ROBO1: variants seen among roughly 807,000 people sequenced by gnomAD.
The protein encoded by ROBO1 is roundabout homolog 1.
A neutral mutation model predicts 195.9 loss-of-function variants in ROBO1; 149 were observed. That is an observed-to-expected ratio of 0.76 (90% CI 0.67 to 0.87). The LOEUF is 0.87. Among genes scored for constraint, ROBO1 ranks in the 40% least tolerant of loss-of-function variants. The probability of loss-of-function intolerance (pLI) is 0.00; values close to 1 mark genes in which losing one functional copy is unlikely to be tolerated. For synonymous variants in ROBO1, 816 were observed against 733.2 expected, an observed-to-expected ratio of 1.11 and a Z score of -1.82; for missense variants, 1,933 against 2,068.3, an observed-to-expected ratio of 0.93 and a Z score of 1.27.
intron 1 of ROBO1, among the ~76,000 whole-genome samples, chr3:79,751,440 A>C (rs901917501): frequency 6.6e-6 from 1 of 152,176 alleles, no homozygotes; most frequent in Non-Finnish European, 1.5e-5. Context: ...AAAATTCAAT[A>C]TATCCTCATC....
chr3:79,376,059 C>T (rs1226517794), intron 2 of ROBO1, among the ~76,000 whole-genome samples: 4 of 152,170 alleles, frequency 2.6e-5, no homozygotes, highest in Non-Finnish European at 4.4e-5. Context: ...TGTAACCTAA[C>T]TAAGCTTAAA....
At chr3:78,959,903 A>T (rs960243763) in intron 3 of ROBO1, among the ~76,000 whole-genome samples, 1 of 152,218 alleles carries the variant, frequency 6.6e-6, no homozygotes, top group African/African-American at 2.4e-5. Flanking sequence ...TTGAAAAGGT[A>T]CAACCAAGGA....
At chr3:78,655,009 G>A (rs749802632) in intron 18 of ROBO1, among the ~76,000 whole-genome samples, 3 of 152,006 alleles carry the variant, frequency 2.0e-5, no homozygotes, top group South Asian at 2.1e-4. Context: ...TCATATAAAC[G>A]TTCAACAGAT....
chr3:79,158,593 T>A (rs1417386121), intron 2 of ROBO1, among the ~76,000 whole-genome samples: 1 of 151,800 alleles, frequency 6.6e-6, no homozygotes, highest in Non-Finnish European at 1.5e-5. Flanking sequence ...TTTTGTCCAC[T>A]TGAAATGTAT....
intron 2 of ROBO1, among the ~76,000 whole-genome samples, chr3:79,182,568 T>TGTGC (rs1553696467): frequency 1.3e-5 from 2 of 151,726 alleles, no homozygotes; most frequent in East Asian, 1.9e-4. Flanking sequence ...TGTGTGTGTG[T>TGTGC]GTGCGTGCGT....
chr3:79,380,008 C>A (rs1336110662), intron 2 of ROBO1, among the ~76,000 whole-genome samples: 1 of 152,204 alleles, frequency 6.6e-6, no homozygotes, highest in Non-Finnish European at 1.5e-5. Context: ...CAATACAAAT[C>A]ATGGTTAGCA....
chr3:78,626,260 C>A (rs1174693638), intron 26 of ROBO1, among the ~76,000 whole-genome samples: 1 of 152,106 alleles, frequency 6.6e-6, no homozygotes, highest in Non-Finnish European at 1.5e-5. Flanking sequence ...GCCTTATTTG[C>A]TCTCAATTTT....
intron 4 of ROBO1, among the ~76,000 whole-genome samples, chr3:78,915,356 G>A (rs914552497): frequency 6.6e-6 from 1 of 152,028 alleles, no homozygotes; most frequent in African/African-American, 2.4e-5. Flanking sequence ...AATTTTAACC[G>A]CTTCTGACAA....
intron 2 of ROBO1, among the ~76,000 whole-genome samples, chr3:79,446,384 G>A (rs568333241): frequency 1.3e-5 from 2 of 152,186 alleles, no homozygotes; most frequent in South Asian, 2.1e-4. Flanking sequence ...TATGCAACAT[G>A]TTTTGTATAA....
chr3:79,059,572 A>G (rs929935140), intron 3 of ROBO1, among the ~76,000 whole-genome samples: 10 of 152,072 alleles, frequency 6.6e-5, no homozygotes, highest in African/African-American at 2.4e-4. Flanking sequence ...TGGCAGAAGA[A>G]CATAAATTGT....
At chr3:78,754,595 G>A (rs1393222685) in intron 4 of ROBO1, among the ~76,000 whole-genome samples, 32 of 152,158 alleles carry the variant, frequency 2.1e-4, no homozygotes, top group Admixed American at 2.1e-3. Flanking sequence ...GACACAGGAG[G>A]TATCCAGTAA....
chr3:78,752,499 A>AT (rs2082822744), intron 4 of ROBO1, among the ~76,000 whole-genome samples: 1 of 152,166 alleles, frequency 6.6e-6, no homozygotes, highest in Non-Finnish European at 1.5e-5. Flanking sequence ...AAAGCATATC[A>AT]TAAAGTCTTC....
intron 2 of ROBO1, among the ~76,000 whole-genome samples, chr3:79,482,735 TA>T (rs1274981761): frequency 6.6e-6 from 1 of 152,134 alleles, no homozygotes; most frequent in East Asian, 1.9e-4. Flanking sequence ...AAGCAAATGC[TA>T]AAAAACAGAT....
chr3:79,505,651 G>A (rs965665235), intron 2 of ROBO1, among the ~76,000 whole-genome samples: 4 of 152,194 alleles, frequency 2.6e-5, no homozygotes, highest in Non-Finnish European at 4.4e-5. Flanking sequence ...TGGCTTGACA[G>A]TCTCTCCACT....
At chr3:78,902,927 G>A (rs574757534) in intron 4 of ROBO1, among the ~76,000 whole-genome samples, 9 of 152,154 alleles carry the variant, frequency 5.9e-5, no homozygotes, top group Admixed American at 1.3e-4. Flanking sequence ...AAGCTACAGC[G>A]TTTCATTTTT....
At chr3:79,763,607 T>A (rs1280472189) in intron 1 of ROBO1, among the ~76,000 whole-genome samples, 2 of 152,146 alleles carry the variant, frequency 1.3e-5, no homozygotes, top group Non-Finnish European at 2.9e-5. Context: ...GAAACTGACG[T>A]ACTGGATCCT....
chr3:79,657,145 C>T (rs1481930479), intron 1 of ROBO1, among the ~76,000 whole-genome samples: 6 of 151,854 alleles, frequency 4.0e-5, no homozygotes, highest in Admixed American at 2.6e-4. Context: ...ATAAAACTAC[C>T]TTATAAACAC....
chr3:79,135,019 C>A (rs1231920532), intron 2 of ROBO1, among the ~76,000 whole-genome samples: 1 of 147,550 alleles, frequency 6.8e-6, no homozygotes, highest in Admixed American at 6.8e-5. Context: ...GCACATGTAC[C>A]CTAAAACTTA....
intron 3 of ROBO1, among the ~76,000 whole-genome samples, chr3:79,113,400 T>G (rs1314237887): frequency 6.6e-6 from 1 of 151,794 alleles, no homozygotes; most frequent in African/African-American, 2.4e-5. Context: ...TTTTTTTTAA[T>G]AGAAAGAAGC....
Sources: allele counts gnomAD v4.1 joint callset (sites outside exome capture counted in the v4.1 genomes callset), GRCh38; gene constraint gnomAD v4.1.1; transcripts MANE v1.5; gene names NCBI Gene and HGNC (gene_info 2026-07-23, HGNC 2026-07-21).